Variants in CUEDC1 observed in about 807,000 individuals in gnomAD.
CUEDC1 encodes CUE domain containing 1, also known as CUE domain-containing protein 1.
Under a neutral mutation model 43.7 loss-of-function variants are expected in CUEDC1, and 30 were observed. That is an observed-to-expected ratio of 0.69 (90% CI 0.51 to 0.93). The LOEUF (loss-of-function observed/expected upper bound fraction) is 0.93, where lower values mean the gene tolerates loss of function less well. CUEDC1 is among the 40% of genes least tolerant of loss of function. CUEDC1 has a pLI of 0.00. For synonymous variants in CUEDC1, 223 were observed against 223.6 expected, an observed-to-expected ratio of 1.00 and a Z score of 0.02; for missense variants, 486 against 549.0, an observed-to-expected ratio of 0.89 and a Z score of 1.15.
intron 1 of CUEDC1, among the ~76,000 whole-genome samples, chr17:57,952,217 T>A (rs2075013508): frequency 6.6e-6 from 1 of 151,058 alleles, no homozygotes; most frequent in Non-Finnish European, 1.5e-5. Context: ...TATTTTATTT[T>A]ATTTATTTAT....
intron 1 of CUEDC1, among the ~76,000 whole-genome samples, chr17:57,908,440 A>G (rs2074550527): frequency 6.6e-6 from 1 of 152,222 alleles, no homozygotes; most frequent in Non-Finnish European, 1.5e-5. Context: ...CTGTGATGCC[A>G]AGACAGGCTT....
Position 57,885,243 on chromosome 17 carries a change from T to C in CUEDC1, c.322A>G (p.Ser108Gly), listed in dbSNP as rs765302468. Residue 108 changes from serine (S) to glycine (G), a missense_variant, in exon 2 of 11, where the codon AGC (serine) becomes GGC (glycine). Coordinates refer to ENST00000577830, the MANE Select transcript of CUEDC1 (RefSeq NM_001271875.2). ...TGCGCCCCTACCTCCGGGGGGATGCTGTCCTCCGAGTCGGAGCTGTCCTCA... is the reference window on the plus strand; with the variant it reads ...TGCGCCCCTACCTCCGGGGGGATGCCGTCCTCCGAGTCGGAGCTGTCCTCA... ...VYEDSSDSED[S>G]IPPEILERTL... 20 of 1,582,944 alleles carry C rather than the reference T, an allele frequency of 1.3e-5. 1 individual carries two copies. The South Asian group carries it at 2.3e-4, about 18-fold the overall frequency.
At chr17:57,920,330 C>G (rs1165964739) in intron 1 of CUEDC1, among the ~76,000 whole-genome samples, 1 of 152,214 alleles carries the variant, frequency 6.6e-6, no homozygotes, top group Non-Finnish European at 1.5e-5. Context: ...TTGAGAATCA[C>G]TGCTTTAAAC....
chr17:57,921,089 G>A (rs1312865606), intron 1 of CUEDC1, among the ~76,000 whole-genome samples: 9 of 152,228 alleles, frequency 5.9e-5, no homozygotes, highest in Non-Finnish European at 1.0e-4. Flanking sequence ...GCCTCTGACT[G>A]TGGAAAGCCA....
At chr17:57,909,543 T>C (rs976485555) in intron 1 of CUEDC1, among the ~76,000 whole-genome samples, 27 of 152,314 alleles carry the variant, frequency 1.8e-4, no homozygotes, top group South Asian at 1.0e-3. Context: ...GAGCTCTGTG[T>C]CCTCTCATCA....
Position 57,885,508 on chromosome 17 carries a change from C to T in CUEDC1, c.57G>A (p.Gly19=). 1 of 1,444,458 alleles carries T rather than the reference C, an allele frequency of 6.9e-7. No homozygotes were observed. Among genetic ancestry groups the T allele is most frequent in the Non-Finnish European group, 9.1e-7 (1 of 1,104,924 alleles). The allele number at this position is 1,444,458 out of a possible 1,614,324, so 89.5% of individuals were successfully genotyped here. Residue 19 remains glycine, a synonymous_variant, in exon 2 of 11, where the codon GGG becomes GGA. Coordinates refer to ENST00000577830, the MANE Select transcript of CUEDC1 (RefSeq NM_001271875.2). The part of the protein sequence containing the change: ...SSGSGGGGTA[G]ARGGGGGTAA... Reference sequence around the variant, plus strand: ...CCGTGCCTCCCCCGCCCCCGCGTGCCCCGGCGGTGCCACCCCCGCCGCTGC... The same window carrying T: ...CCGTGCCTCCCCCGCCCCCGCGTGCTCCGGCGGTGCCACCCCCGCCGCTGC...
intron 1 of CUEDC1, among the ~76,000 whole-genome samples, chr17:57,902,203 A>C (rs1214464382): frequency 6.6e-6 from 1 of 151,720 alleles, no homozygotes; most frequent in Non-Finnish European, 1.5e-5. Flanking sequence ...GAAAAAAAAA[A>C]ACAAAAAACA....
rs148999649 is a variant in CUEDC1 at position 57,936,818 on chromosome 17, C to T, written c.-316+18407G>A. Reference sequence around the variant, plus strand: ...CCGCCCCCATACAGCCCTCCACGTTCATTCACACTTTTTTTTTTTTTGAAA... The same window carrying T: ...CCGCCCCCATACAGCCCTCCACGTTTATTCACACTTTTTTTTTTTTTGAAA... On this transcript the variant is annotated intron_variant, in intron 1 of 10. Coordinates refer to ENST00000577830, the MANE Select transcript of CUEDC1 (RefSeq NM_001271875.2). 8.5e-3 allele frequency among the ~76,000 whole-genome samples: 1,225 copies of T among 143,596 alleles called. 10 individuals are homozygous for T. The highest frequency in any genetic ancestry group is 0.024 in the African/African-American group (947 of 39,718). 94.2% of individuals were successfully genotyped at this position (143,596 alleles called of 152,430 possible).
At chr17:57,866,776 C>T (rs765226652) in intron 9 of CUEDC1, 6 of 530,642 alleles carry the variant, frequency 1.1e-5, no homozygotes, top group African/African-American at 1.9e-5. Flanking sequence ...GTTCTCCCCT[C>T]GTCTTTGGGC....
At chr17:57,903,669 A>G (rs1288627605) in intron 1 of CUEDC1, among the ~76,000 whole-genome samples, 2 of 152,086 alleles carry the variant, frequency 1.3e-5, no homozygotes, top group African/African-American at 4.8e-5. Context: ...GGCACAGTAT[A>G]TGAAAACCTA....
intron 2 of CUEDC1, among the ~76,000 whole-genome samples, chr17:57,882,476 C>G (rs1332198507): frequency 6.6e-6 from 1 of 152,198 alleles, no homozygotes; most frequent in East Asian, 1.9e-4. Flanking sequence ...GGAGAAAATA[C>G]TACCCTACCT....
chr17:57,953,345 C>T (rs1376718438), intron 1 of CUEDC1, among the ~76,000 whole-genome samples: 2 of 152,206 alleles, frequency 1.3e-5, no homozygotes, highest in Admixed American at 1.3e-4. Context: ...CTCATCTGCC[C>T]CCATCCTCTA....
chr17:57,876,649 G>A (rs752636763), intron 3 of CUEDC1, among the ~76,000 whole-genome samples: 4 of 152,254 alleles, frequency 2.6e-5, no homozygotes, highest in Non-Finnish European at 4.4e-5. Context: ...GGAAATGAAT[G>A]TCCTGGATGG....
intron 1 of CUEDC1, among the ~76,000 whole-genome samples, chr17:57,906,937 C>T (rs2074535303): frequency 6.7e-6 from 1 of 150,286 alleles, no homozygotes; most frequent in Non-Finnish European, 1.5e-5. Flanking sequence ...TGCCATTGCA[C>T]TCCAGCCTGG....
intron 1 of CUEDC1, among the ~76,000 whole-genome samples, chr17:57,910,549 C>A (rs2074571991): frequency 6.6e-6 from 1 of 151,360 alleles, no homozygotes; most frequent in Non-Finnish European, 1.5e-5. Context: ...ATCGCTTGAG[C>A]CCAGGTGTCT....
chr17:57,921,296 A>T (rs994931898), intron 1 of CUEDC1, among the ~76,000 whole-genome samples: 10 of 152,258 alleles, frequency 6.6e-5, no homozygotes, highest in African/African-American at 1.4e-4. Context: ...TGAAAGGCAT[A>T]AAAGTTCCTT....
chr17:57,906,184 A>G (rs892203528), intron 1 of CUEDC1, among the ~76,000 whole-genome samples: 1 of 152,246 alleles, frequency 6.6e-6, no homozygotes, highest in African/African-American at 2.4e-5. Context: ...ACAATAGTCC[A>G]CAGCTGGAAA....
intron 1 of CUEDC1, among the ~76,000 whole-genome samples, chr17:57,893,453 T>C (rs2074377425): frequency 6.6e-6 from 1 of 152,140 alleles, no homozygotes; most frequent in African/African-American, 2.4e-5. Context: ...TTAATGTCGC[T>C]GCAGCTTCAA....
chr17:57,943,452 C>T (rs936493544), intron 1 of CUEDC1, among the ~76,000 whole-genome samples: 1 of 152,202 alleles, frequency 6.6e-6, no homozygotes, highest in African/African-American at 2.4e-5. Flanking sequence ...ACATAAGCCA[C>T]GCTGTGGCTC....
Sources: gnomAD v4.1 joint callset for allele counts (sites outside exome capture counted in the v4.1 genomes callset) on GRCh38, gnomAD v4.1.1 for gene constraint, MANE v1.5 for transcripts, NCBI Gene and HGNC (gene_info 2026-07-23, HGNC 2026-07-21) for gene names.